Variants in FAM78A observed in about 807,000 individuals in gnomAD.
The protein encoded by FAM78A is family with sequence similarity 78 member A.
FAM78A carries 12 observed loss-of-function variants against 22.6 expected under a neutral mutation model. The ratio of observed to expected loss-of-function variants is 0.53; its 90% CI spans 0.34 to 0.86. The LOEUF (loss-of-function observed/expected upper bound fraction) is 0.86, where lower values mean the gene tolerates loss of function less well. Ranked by LOEUF, FAM78A falls within the 40% of genes least tolerant of loss-of-function variation. The pLI is 0.02. For synonymous variants in FAM78A, 151 were observed against 155.8 expected, an observed-to-expected ratio of 0.97 and a Z score of 0.23; for missense variants, 322 against 396.1, an observed-to-expected ratio of 0.81 and a Z score of 1.59.
Position 131,264,806 on chromosome 9 carries a change from C to G in FAM78A, c.324-3456G>C, listed in dbSNP as rs143675614. The stretch of plus-strand genomic sequence containing the variant: ...TGGCGGGATCTCTGCTCACTGCAGC[C>G]TCGGCCTCCCAGGTTCAAGTGATTC... On this transcript the variant is annotated intron_variant, in intron 1 of 1. Coordinates refer to ENST00000372271, the MANE Select transcript of FAM78A (RefSeq NM_033387.4). 2,898 of 544,152 alleles carry G rather than the reference C, an allele frequency of 5.3e-3. 65 individuals are homozygous for G. Among genetic ancestry groups the G allele is most frequent in the African/African-American group, 0.049 (2,569 of 52,058 alleles). The allele number at this position is 544,152 out of a possible 1,614,324, so 33.7% of individuals were successfully genotyped here.
In FAM78A at chr9:131,261,904, G is replaced by A. The variant is rs375908730; in HGVS notation, c.324-554C>T. Among the ~76,000 whole-genome samples, 45 of 152,242 alleles carry A rather than the reference G, an allele frequency of 3.0e-4. 1 individual carries two copies. Among genetic ancestry groups the A allele is most frequent in the African/African-American group, 7.2e-4 (30 of 41,554 alleles). On this transcript the variant is annotated intron_variant, in intron 1 of 1. Coordinates refer to ENST00000372271, the MANE Select transcript of FAM78A (RefSeq NM_033387.4). This position sits in a 1 kb window ranked among gnomAD's most constrained non-coding sequence, Gnocchi z 7.1. The stretch of plus-strand genomic sequence containing the variant: ...CCTTCTGCTCACCTACGTGCACAGC[G>A]GGTACTCCCAGGAACAAGCTACTGT...
intron 1 of FAM78A, among the ~76,000 whole-genome samples, chr9:131,266,735 C>T (rs34243838): frequency 0.35 from 53,768 of 151,826 alleles, 10,410 homozygotes; most frequent in East Asian, 0.7. Context: ...CTAGACAGAC[C>T]ACGAGGCCGT....
chr9:131,262,797 A>C (rs926639107), intron 1 of FAM78A: 1 of 152,126 alleles, frequency 6.6e-6, no homozygotes, highest in Non-Finnish European at 1.5e-5. Context: ...GCCACAAAAA[A>C]ACACAAACTG....
chr9:131,280,916 A>G (rs1835538375), upstream of FAM78A, among the ~76,000 whole-genome samples: 1 of 152,206 alleles, frequency 6.6e-6, no homozygotes. Context: ...CCCATTCTAC[A>G]GATGAGGACA....
chr9:131,273,929 G>C (rs550991565), intron 1 of FAM78A, among the ~76,000 whole-genome samples: 20 of 152,376 alleles, frequency 1.3e-4, no homozygotes, highest in African/African-American at 4.6e-4. Context: ...ACATCCTGGA[G>C]AGTGGCAGAA....
intron 1 of FAM78A, among the ~76,000 whole-genome samples, chr9:131,269,333 T>G (rs1324632033): frequency 1.3e-5 from 2 of 152,198 alleles, no homozygotes; most frequent in African/African-American, 2.4e-5. Flanking sequence ...CAATGTATCA[T>G]TTCCCCACTT....
Position 131,272,387 on chromosome 9 carries a change from C to T in FAM78A, c.323+3470G>A, listed in dbSNP as rs975134578. On this transcript the variant is annotated intron_variant, in intron 1 of 1. Transcript: ENST00000372271. The surrounding 1 kb of genome is among the most constrained non-coding windows in gnomAD (Gnocchi z 4.1). The stretch of plus-strand genomic sequence containing the variant: ...GGACATTATTGACTGTCACAGCTTG[C>T]GGGGATGTGCTCCTGGCATGGAGTG... 4.6e-5 allele frequency among the ~76,000 whole-genome samples: 7 copies of T among 152,200 alleles called. No individual in the cohort carries two copies. Among genetic ancestry groups the T allele is most frequent in the South Asian group, 2.1e-4 (1 of 4,832 alleles).
chr9:131,277,931 C>T (rs553264910), upstream of FAM78A, among the ~76,000 whole-genome samples: 7 of 149,100 alleles, frequency 4.7e-5, no homozygotes, highest in Non-Finnish European at 1.0e-4. This position sits in a 1 kb window ranked among gnomAD's most constrained non-coding sequence, Gnocchi z 8.4. Context: ...GAAACTCGGC[C>T]CCTGCGCCGG....
intron 1 of FAM78A, among the ~76,000 whole-genome samples, chr9:131,271,979 T>C (rs913232874): frequency 6.6e-6 from 1 of 152,174 alleles, no homozygotes; most frequent in Non-Finnish European, 1.5e-5. Flanking sequence ...AACTCACTCT[T>C]TTCCAGCTCT....
At position 131,260,659 on chromosome 9, in the gene FAM78A, C is replaced by A; in HGVS notation, c.*163G>T. 1.3e-6 allele frequency: 1 copy of A among 743,946 alleles called. No individual in the cohort carries two copies. The highest frequency in any genetic ancestry group is 2.5e-5 in the South Asian group (1 of 40,774). 46.1% of individuals were successfully genotyped at this position (743,946 alleles called of 1,614,324 possible). ...CCCTCTCCCTGAAAGGAAGCAGGTG[C>A]CGAGAGCCGGGGAGGCCTTCCCGGG... On this transcript the variant is annotated 3_prime_UTR_variant, in exon 2 of 2. Transcript: ENST00000372271. The surrounding 1 kb of genome is among the most constrained non-coding windows in gnomAD (Gnocchi z 5.4).
intron 1 of FAM78A, among the ~76,000 whole-genome samples, chr9:131,263,325 C>T (rs1328172303): frequency 6.6e-6 from 1 of 151,680 alleles, no homozygotes; most frequent in Non-Finnish European, 1.5e-5. Flanking sequence ...CCTAATGCCA[C>T]TGAGCTGTAC....
At chr9:131,268,347 C>T (rs931225610) in intron 1 of FAM78A, among the ~76,000 whole-genome samples, 47 of 151,734 alleles carry the variant, frequency 3.1e-4, no homozygotes, top group Non-Finnish European at 2.1e-4. Context: ...CCTGGGCTGT[C>T]CCCACCACCA....
Position 131,271,857 on chromosome 9 carries a change from G to C in FAM78A, c.323+4000C>G, listed in dbSNP as rs533146991. On this transcript the variant is annotated intron_variant, in intron 1 of 1. Coordinates refer to ENST00000372271, the MANE Select transcript of FAM78A (RefSeq NM_033387.4). ...AGGTGGCAGTTGAGGAATTGCGGGG[G>C]CCGGGCTGTGGAGGCAGGTGTCTCC... Among the ~76,000 whole-genome samples, 3 of 152,138 alleles carry C rather than the reference G, an allele frequency of 2.0e-5. No homozygotes were observed. In the East Asian group the frequency reaches 5.8e-4, roughly 29 times the overall value.
At chr9:131,277,048 G>T (rs567862442), upstream of FAM78A, among the ~76,000 whole-genome samples, 2 of 150,586 alleles carry the variant, frequency 1.3e-5, no homozygotes, top group South Asian at 4.1e-4. The surrounding 1 kb of genome is among the most constrained non-coding windows in gnomAD (Gnocchi z 8.4). Context: ...CGCTGGGCGC[G>T]GGCTGCGGAG....
Position 131,276,432 on chromosome 9 carries a change from T to C in FAM78A, c.-253A>G, listed in dbSNP as rs539728768. ...AAGTTTGTAGTTTAATGAATAATTA[T>C]GCGGTTCTGACATCCAGCCCTTCTG... On this transcript the variant is annotated 5_prime_UTR_variant, in exon 1 of 2. Transcript: ENST00000372271. The surrounding 1 kb of genome is among the most constrained non-coding windows in gnomAD (Gnocchi z 4.3). The C allele has an allele frequency of 1.8e-4, 75 of 415,740 alleles. No homozygotes were observed. Among genetic ancestry groups the C allele is most frequent in the East Asian group, 1.2e-4 (3 of 24,128 alleles). 25.8% of individuals were successfully genotyped at this position (415,740 alleles called of 1,614,324 possible).
At chr9:131,273,920 C>T (rs1470462965) in intron 1 of FAM78A, among the ~76,000 whole-genome samples, 1 of 152,264 alleles carries the variant, frequency 6.6e-6, no homozygotes, top group South Asian at 2.1e-4. Context: ...CCTAGGGCCA[C>T]ATCCTGGAGA....
rs1835240757 is a variant in FAM78A, at chr9:131,259,969, G to C, written c.*853C>G. The stretch of plus-strand genomic sequence containing the variant: ...GGAAGTTAAGGCTGCTGGGAAGAGA[G>C]GGGAGAAGAGGCCAGGCGACTGGTG... On this transcript the variant is annotated 3_prime_UTR_variant, in exon 2 of 2. Transcript: ENST00000372271. 6.5e-6 allele frequency: 1 copy of C among 152,712 alleles called. No homozygotes were observed. Among genetic ancestry groups the C allele is most frequent in the African/African-American group, 2.4e-5 (1 of 41,474 alleles). 9.5% of individuals were successfully genotyped at this position (152,712 alleles called of 1,614,324 possible).
rs747962080 is a variant in FAM78A, at chr9:131,261,323, C to A, written c.351G>T (p.Gln117His). 8.8e-6 allele frequency: 14 copies of A among 1,596,456 alleles called. No individual in the cohort carries two copies. The Admixed American group carries it at 2.4e-4, about 27-fold the overall frequency. Residue 117 changes from glutamine (Q) to histidine (H), a missense_variant, in exon 2 of 2, where the codon CAG (glutamine) becomes CAT (histidine). Transcript: ENST00000372271. The surrounding 1 kb of genome is among the most constrained non-coding windows in gnomAD (Gnocchi z 7.1). ...CGCTGATGGCTTGGATCTTGCCCTC[C>A]TGGAGGTCGGGGAGCTCCCAGCTGG... The part of the protein sequence containing the change: ...GMSSWELPDL[Q>H]EGKIQAISDS...
chr9:131,273,210 A>G (rs1015677481), intron 1 of FAM78A, among the ~76,000 whole-genome samples: 2 of 152,180 alleles, frequency 1.3e-5, no homozygotes, highest in African/African-American at 4.8e-5. Flanking sequence ...GAATCCTCAC[A>G]GCAGCCTACG....
Sources: gnomAD v4.1 joint callset for allele counts (sites outside exome capture counted in the v4.1 genomes callset) on GRCh38, gnomAD v4.1.1 for gene constraint, Gnocchi (gnomAD v3.1) non-coding constraint, MANE v1.5 for transcripts, NCBI Gene and HGNC (gene_info 2026-07-23, HGNC 2026-07-21) for gene names.